GALNT13: variants seen among roughly 807,000 people sequenced by gnomAD.
GALNT13 encodes the protein UDP-GalNAc:polypeptide N-acetylgalactosaminyltransferase 13.
GALNT13 carries 28 observed loss-of-function variants against 64.2 expected under a neutral mutation model. The observed-to-expected ratio is 0.44, with a 90% CI of 0.32 to 0.60. The LOEUF is 0.60. Ranked by LOEUF, GALNT13 falls within the 20% of genes least tolerant of loss-of-function variation. The probability of loss-of-function intolerance (pLI) is 0.05; values close to 1 mark genes in which losing one functional copy is unlikely to be tolerated. For missense variants in GALNT13, 577 were observed against 669.8 expected (o/e 0.86, Z 1.53); for synonymous variants, 214 against 224.6 (o/e 0.95, Z 0.42).
At chr2:153,558,493 A>G in the GALNT13 span, among the ~76,000 whole-genome samples, 1 of 152,108 alleles carries the variant, frequency 6.6e-6, no homozygotes, top group Non-Finnish European at 1.5e-5. Flanking sequence ...TCTTTAGCTG[A>G]TCTCCTCAGT....
intron 8 of GALNT13, among the ~76,000 whole-genome samples, chr2:154,297,247 G>A (rs1692980326): frequency 6.6e-6 from 1 of 152,148 alleles, no homozygotes; most frequent in Admixed American, 6.5e-5. Flanking sequence ...ATTGCAGAAA[G>A]CAACACTGAA....
chr2:153,268,252 T>C, the GALNT13 span, among the ~76,000 whole-genome samples: 1 of 152,168 alleles, frequency 6.6e-6, no homozygotes, highest in Non-Finnish European at 1.5e-5. Context: ...TAAATACACC[T>C]CTTCCAAATG....
At chr2:154,444,562 T>C (rs574760117) in intron 12 of GALNT13, among the ~76,000 whole-genome samples, 1 of 152,214 alleles carries the variant, frequency 6.6e-6, no homozygotes, top group African/African-American at 2.4e-5. Flanking sequence ...CTGCTATTAT[T>C]ACAAAATTAC....
intron 10 of GALNT13, among the ~76,000 whole-genome samples, chr2:154,401,492 G>T (rs1431747710): frequency 6.6e-6 from 1 of 152,106 alleles, no homozygotes; most frequent in Non-Finnish European, 1.5e-5. Context: ...ATATGTGTAT[G>T]TGTAAGGAGA....
chr2:153,622,911 G>A, the GALNT13 span, among the ~76,000 whole-genome samples: 95 of 152,182 alleles, frequency 6.2e-4, no homozygotes, highest in Non-Finnish European at 1.1e-3. Flanking sequence ...GACTGAGAAT[G>A]ATTTCTAGGT....
At chr2:154,265,565 G>T (rs960567067) in intron 8 of GALNT13, among the ~76,000 whole-genome samples, 1 of 152,102 alleles carries the variant, frequency 6.6e-6, no homozygotes, top group Non-Finnish European at 1.5e-5. Flanking sequence ...CGGGTGTGGT[G>T]GCGGGCACCT....
the GALNT13 span, among the ~76,000 whole-genome samples, chr2:153,534,253 G>A: frequency 0.093 from 14,204 of 152,140 alleles, 2,202 homozygotes; most frequent in African/African-American, 0.32. Context: ...AGCTGGACAT[G>A]ATGTACTGGG....
chr2:154,218,343 C>T (rs570408042), intron 4 of GALNT13, among the ~76,000 whole-genome samples: 1 of 152,212 alleles, frequency 6.6e-6, no homozygotes, highest in South Asian at 2.1e-4. Flanking sequence ...TCTCTCCTGA[C>T]TCTTGGCCTG....
the GALNT13 span, among the ~76,000 whole-genome samples, chr2:153,483,050 T>G: frequency 1.3e-5 from 2 of 152,216 alleles, no homozygotes; most frequent in African/African-American, 4.8e-5. Flanking sequence ...AAGATTTCCA[T>G]ATAAAATGGT....
the GALNT13 span, among the ~76,000 whole-genome samples, chr2:153,111,152 G>A: frequency 6.6e-6 from 1 of 152,158 alleles, no homozygotes; most frequent in African/African-American, 2.4e-5. Context: ...TGTTAAAAGT[G>A]TGCATATTAT....
At chr2:153,984,838 G>C (rs1185990893) in intron 3 of GALNT13, among the ~76,000 whole-genome samples, 3 of 151,440 alleles carry the variant, frequency 2.0e-5, no homozygotes, top group Non-Finnish European at 4.4e-5. Context: ...ACACTATCAG[G>C]TTCACTGATC....
chr2:154,043,453 T>TAC (rs1451883209), intron 3 of GALNT13, among the ~76,000 whole-genome samples: 6,519 of 92,284 alleles, frequency 0.071, 220 homozygotes, highest in Non-Finnish European at 0.096. Flanking sequence ...TATATATATA[T>TAC]ATACACACAT....
chr2:153,588,857 G>T, the GALNT13 span, among the ~76,000 whole-genome samples: 1 of 152,152 alleles, frequency 6.6e-6, no homozygotes, highest in African/African-American at 2.4e-5. Context: ...CTCCTTGAAT[G>T]ATTTGCTGCT....
the GALNT13 span, among the ~76,000 whole-genome samples, chr2:153,672,905 T>C: frequency 2.5e-4 from 38 of 151,618 alleles, no homozygotes; most frequent in Admixed American, 2.4e-3. Context: ...AAATACAAAC[T>C]ACCATCAGAG....
chr2:154,069,545 T>C (rs866532019), intron 3 of GALNT13, among the ~76,000 whole-genome samples: 3 of 152,024 alleles, frequency 2.0e-5, no homozygotes, highest in Non-Finnish European at 4.4e-5. Context: ...CTAATCTATA[T>C]TTAAGCATGT....
At chr2:153,163,105 C>G in the GALNT13 span, among the ~76,000 whole-genome samples, 1 of 152,192 alleles carries the variant, frequency 6.6e-6, no homozygotes, top group Non-Finnish European at 1.5e-5. Context: ...TCCACTCATA[C>G]TGCCATGCTA....
chr2:154,406,884 A>G (rs1653456141), intron 10 of GALNT13, among the ~76,000 whole-genome samples: 2 of 152,206 alleles, frequency 1.3e-5, no homozygotes. Context: ...TGAATAAATG[A>G]ATTCACAAGA....
At chr2:153,952,849 T>TAAGTCCAA in intron 3 of GALNT13, among the ~76,000 whole-genome samples, 1 of 152,244 alleles carries the variant, frequency 6.6e-6, no homozygotes, top group Non-Finnish European at 1.5e-5. Context: ...ACCACTGGTG[T>TAAGTCCAA]AAGTCCAAAA....
At chr2:153,465,048 A>T in the GALNT13 span, among the ~76,000 whole-genome samples, 12 of 152,220 alleles carry the variant, frequency 7.9e-5, no homozygotes, top group East Asian at 2.3e-3. Context: ...CACAGTGGTG[A>T]AGTCTATTAC....
Sources: allele counts gnomAD v4.1 joint callset (sites outside exome capture counted in the v4.1 genomes callset), GRCh38; gene constraint gnomAD v4.1.1; transcripts MANE v1.5; gene names NCBI Gene and HGNC (gene_info 2026-07-23, HGNC 2026-07-21).